SGCZ: variants seen among roughly 807,000 people sequenced by gnomAD.
SGCZ encodes the protein sarcoglycan zeta, also known as zeta-sarcoglycan.
Under a neutral mutation model 41.3 loss-of-function variants are expected in SGCZ, and 40 were observed. The observed-to-expected ratio is 0.97, with a 90% CI of 0.75 to 1.26. SGCZ has a LOEUF of 1.26. SGCZ is among the 50% of genes most tolerant of loss of function. SGCZ has a pLI of 0.00. For missense variants in SGCZ, 552 were observed against 369.8 expected (o/e 1.49, Z -4.04); for synonymous variants, 206 against 137.5 (o/e 1.50, Z -3.49).
chr8:15,033,872 C>A (rs975196615), intron 1 of SGCZ, among the ~76,000 whole-genome samples: 2 of 152,186 alleles, frequency 1.3e-5, no homozygotes, highest in Non-Finnish European at 1.5e-5. Context: ...ACCCATCAGA[C>A]CAACCTCCAA....
chr8:15,024,596 T>C (rs1803377151), intron 1 of SGCZ, among the ~76,000 whole-genome samples: 3 of 152,116 alleles, frequency 2.0e-5, no homozygotes, highest in African/African-American at 7.2e-5. Flanking sequence ...AGTAGAGCAG[T>C]GTAACCAGGC....
intron 2 of SGCZ, among the ~76,000 whole-genome samples, chr8:14,442,973 A>G (rs1314059778): frequency 6.6e-6 from 1 of 152,190 alleles, no homozygotes; most frequent in African/African-American, 2.4e-5. Context: ...CTCAGGATAC[A>G]AAATCAATGT....
At chr8:15,159,202 C>G (rs1053820346) in intron 1 of SGCZ, among the ~76,000 whole-genome samples, 10 of 152,194 alleles carry the variant, frequency 6.6e-5, no homozygotes, top group African/African-American at 2.4e-4. Flanking sequence ...TAGATAGCTT[C>G]TAGATAGCTG....
chr8:14,268,259 G>C (rs959371526), intron 3 of SGCZ, among the ~76,000 whole-genome samples: 1 of 149,186 alleles, frequency 6.7e-6, no homozygotes, highest in Admixed American at 6.7e-5. Context: ...ATTTCTGTTT[G>C]TATTGTCTTC....
intron 1 of SGCZ, among the ~76,000 whole-genome samples, chr8:14,634,289 G>A (rs1320545444): frequency 6.6e-6 from 1 of 151,688 alleles, no homozygotes; most frequent in Non-Finnish European, 1.5e-5. Flanking sequence ...AGCATTCTTT[G>A]TTATTTGTTT....
chr8:14,145,748 G>A (rs898078570), intron 5 of SGCZ, among the ~76,000 whole-genome samples: 5 of 152,132 alleles, frequency 3.3e-5, no homozygotes, highest in African/African-American at 1.2e-4. Context: ...ATTTATCAAA[G>A]AGATTGAAAT....
intron 1 of SGCZ, among the ~76,000 whole-genome samples, chr8:15,114,661 C>T (rs1390937829): frequency 6.6e-6 from 1 of 152,016 alleles, no homozygotes; most frequent in Non-Finnish European, 1.5e-5. Context: ...AGTTACTGAA[C>T]CCATACAAAT....
chr8:14,250,258 T>G (rs538550213), intron 3 of SGCZ, among the ~76,000 whole-genome samples: 21 of 152,254 alleles, frequency 1.4e-4, no homozygotes, highest in Admixed American at 3.9e-4. Context: ...AACATTGCAA[T>G]TGTTGCAAAA....
intron 5 of SGCZ, among the ~76,000 whole-genome samples, chr8:14,160,737 A>C (rs554472611): frequency 1.3e-5 from 2 of 152,284 alleles, no homozygotes; most frequent in African/African-American, 4.8e-5. Flanking sequence ...GTGTCCTCAC[A>C]CCCATGAGTA....
chr8:14,092,784 T>C (rs1236962019), intron 7 of SGCZ, among the ~76,000 whole-genome samples: 1 of 152,082 alleles, frequency 6.6e-6, no homozygotes, highest in African/African-American at 2.4e-5. Context: ...TTAATTGTCT[T>C]TTTCTTTATA....
intron 2 of SGCZ, among the ~76,000 whole-genome samples, chr8:14,339,142 C>T (rs982215433): frequency 1.1e-4 from 16 of 151,966 alleles, no homozygotes; most frequent in South Asian, 4.1e-4. Context: ...ATCAGTGCTA[C>T]GAAAGCACTT....
At chr8:15,024,749 A>G (rs1803384953) in intron 1 of SGCZ, among the ~76,000 whole-genome samples, 1 of 152,042 alleles carries the variant, frequency 6.6e-6, no homozygotes, top group African/African-American at 2.4e-5. Flanking sequence ...GTCCTGGCTA[A>G]CATGGTGAAA....
chr8:14,856,697 G>A (rs1803555843), intron 1 of SGCZ, among the ~76,000 whole-genome samples: 1 of 152,138 alleles, frequency 6.6e-6, no homozygotes, highest in Non-Finnish European at 1.5e-5. Flanking sequence ...AGAGTCACTG[G>A]GCAGGGGGCT....
At chr8:14,859,232 G>C (rs1213045168) in intron 1 of SGCZ, among the ~76,000 whole-genome samples, 3 of 152,046 alleles carry the variant, frequency 2.0e-5, no homozygotes, top group African/African-American at 4.8e-5. Context: ...AATAAAAGCA[G>C]TCTTTATCAC....
At chr8:14,249,531 T>C (rs1799214014) in intron 3 of SGCZ, among the ~76,000 whole-genome samples, 2 of 152,184 alleles carry the variant, frequency 1.3e-5, no homozygotes, top group Non-Finnish European at 1.5e-5. Context: ...CAAGGAGACC[T>C]TGCAAGTAGC....
chr8:14,203,118 A>G (rs1805508570), intron 4 of SGCZ, among the ~76,000 whole-genome samples: 1 of 152,192 alleles, frequency 6.6e-6, no homozygotes, highest in Non-Finnish European at 1.5e-5. Context: ...AGCCATGTGG[A>G]ACTGTAAGCC....
chr8:14,183,580 G>A (rs553812094), intron 4 of SGCZ, among the ~76,000 whole-genome samples: 2 of 152,164 alleles, frequency 1.3e-5, no homozygotes, highest in African/African-American at 4.8e-5. Context: ...ACTACCTTGA[G>A]AGTTTGAAAG....
chr8:14,221,225 T>C lies in SGCZ; in HGVS notation c.424+16367A>G, dbSNP rs540690171. 2.6e-5 allele frequency among the ~76,000 whole-genome samples: 4 copies of C among 152,330 alleles called. No individual in the cohort carries two copies. The East Asian group carries it at 7.7e-4, about 29-fold the overall frequency. On this transcript the variant is annotated intron_variant, in intron 4 of 7. Transcript: ENST00000382080. ...TGTGTGTAAAACCAGGAGAGGGAGA[T>C]TTGGTTCACTTCTAGAAAAATGGTA...
intron 3 of SGCZ, among the ~76,000 whole-genome samples, chr8:14,294,346 C>A (rs573045137): frequency 6.6e-6 from 1 of 151,810 alleles, no homozygotes; most frequent in African/African-American, 2.4e-5. Context: ...AAGTCACAAA[C>A]TTTTTTGTGA....
Sources: allele counts gnomAD v4.1 joint callset (sites outside exome capture counted in the v4.1 genomes callset), GRCh38; gene constraint gnomAD v4.1.1; transcripts MANE v1.5; gene names NCBI Gene and HGNC (gene_info 2026-07-23, HGNC 2026-07-21).